TNNI3K: variants seen among roughly 807,000 people sequenced by gnomAD.
The protein encoded by TNNI3K is TNNI3 interacting kinase.
Under a neutral mutation model 114.5 loss-of-function variants are expected in TNNI3K, and 140 were observed. That is an observed-to-expected ratio of 1.22 (90% confidence interval 1.07 to 1.41). The LOEUF (loss-of-function observed/expected upper bound fraction) is 1.41, where lower values mean the gene tolerates loss of function less well. Among genes scored for constraint, TNNI3K ranks in the 40% most tolerant of loss-of-function variants. The probability of loss-of-function intolerance (pLI) is 0.00; values close to 1 mark genes in which losing one functional copy is unlikely to be tolerated. For synonymous variants in TNNI3K, 347 were observed against 347.5 expected (o/e 1.00, Z 0.02); for missense variants, 1,125 against 1,007.6 (o/e 1.12, Z -1.58).
chr1:74,525,654 G>A (rs1265616518), intron 23 of TNNI3K, among the ~76,000 whole-genome samples: 4 of 152,194 alleles, frequency 2.6e-5, no homozygotes. Context: ...TGCTTCTGGT[G>A]TGCCACATAT....
rs114788567 is a variant in TNNI3K, at chr1:74,411,423, T to G, written c.1773-24657T>G. On this transcript the variant is annotated intron_variant, in intron 17 of 24. Transcript: ENST00000326637. ...ACCTGAGATAACCCTCAATTAGAAA[T>G]TTTTATATACAAATGCAGCCAAAAG... Among the ~76,000 whole-genome samples, 390 of 152,212 alleles carry G rather than the reference T, an allele frequency of 2.6e-3. 2 individuals are homozygous for G. The highest frequency in any genetic ancestry group is 8.8e-3 in the African/African-American group (366 of 41,528).
rs571195857 is a variant in TNNI3K at position 74,306,344 on chromosome 1, T to C, written c.445-25106T>C. On this transcript the variant is annotated intron_variant, in intron 5 of 24. Transcript: ENST00000326637. Reference sequence around the variant, plus strand: ...AATTGTGCTATGATAAACATATGAGTGCAGGTGTCTCTTTTGTTAGAACAA... The same window carrying C: ...AATTGTGCTATGATAAACATATGAGCGCAGGTGTCTCTTTTGTTAGAACAA... 7.2e-5 allele frequency among the ~76,000 whole-genome samples: 11 copies of C among 152,298 alleles called. No homozygotes were observed. The South Asian group carries it at 8.3e-4, about 11-fold the overall frequency.
chr1:74,312,551 T>C (rs987274652), intron 5 of TNNI3K, among the ~76,000 whole-genome samples: 3 of 152,258 alleles, frequency 2.0e-5, no homozygotes, highest in African/African-American at 4.8e-5. Context: ...TGAGATCTTG[T>C]ATATTTTTAA....
intron 5 of TNNI3K, among the ~76,000 whole-genome samples, chr1:74,317,135 A>G (rs1659358027): frequency 6.6e-6 from 1 of 152,110 alleles, no homozygotes; most frequent in East Asian, 1.9e-4. Flanking sequence ...TTTTCGTTTC[A>G]TTATTCTCAG....
chr1:74,284,059 G>A (rs1416127402), intron 5 of TNNI3K, among the ~76,000 whole-genome samples: 1 of 152,014 alleles, frequency 6.6e-6, no homozygotes, highest in Admixed American at 6.6e-5. Flanking sequence ...CTATGTCTCA[G>A]GAAGACGGGA....
chr1:74,542,271 C>G (rs1209939045), intron 24 of TNNI3K, among the ~76,000 whole-genome samples: 6 of 152,140 alleles, frequency 3.9e-5, no homozygotes, highest in Admixed American at 3.9e-4. Context: ...GCAAGAGGCA[C>G]TGGAACATCA....
chr1:74,458,975 G>A (rs12134475), intron 20 of TNNI3K, among the ~76,000 whole-genome samples: 1 of 152,102 alleles, frequency 6.6e-6, no homozygotes, highest in Non-Finnish European at 1.5e-5. Context: ...TGTACCCAAA[G>A]TTTAGTTCCC....
intron 5 of TNNI3K, among the ~76,000 whole-genome samples, chr1:74,306,212 A>T (rs934595916): frequency 1.3e-5 from 2 of 152,172 alleles, no homozygotes; most frequent in African/African-American, 4.8e-5. Flanking sequence ...CAGAGGACAT[A>T]ATCTAAACTG....
chr1:74,475,116 C>A (rs900486620), intron 21 of TNNI3K, among the ~76,000 whole-genome samples: 4 of 135,990 alleles, frequency 2.9e-5, no homozygotes, highest in East Asian at 2.3e-4. Context: ...CCACCTCAGC[C>A]CACACACACA....
At chr1:74,484,891 TA>T (rs1668673521) in intron 21 of TNNI3K, among the ~76,000 whole-genome samples, 1 of 152,194 alleles carries the variant, frequency 6.6e-6, no homozygotes. Flanking sequence ...TACTTTTAGA[TA>T]AGCAAAGAAC....
At chr1:74,456,090 A>G (rs1667212547) in intron 20 of TNNI3K, among the ~76,000 whole-genome samples, 1 of 152,220 alleles carries the variant, frequency 6.6e-6, no homozygotes, top group African/African-American at 2.4e-5. Flanking sequence ...GGACTGGAGA[A>G]ATTCAAAACT....
rs201606051 is a variant in TNNI3K, at chr1:74,354,147, G to T, written c.1177+18G>T. On this transcript the variant is annotated intron_variant, in intron 11 of 24. Transcript: ENST00000326637. ...TGAAAAAGGTATATTTTTAATCATCGTGTCTCTATAGTGATACATTGAACT... is the reference window on the plus strand; with the variant it reads ...TGAAAAAGGTATATTTTTAATCATCTTGTCTCTATAGTGATACATTGAACT... 2.5e-5 allele frequency: 40 copies of T among 1,613,656 alleles called. No individual in the cohort carries two copies. The highest frequency in any genetic ancestry group is 3.3e-5 in the Non-Finnish European group (39 of 1,179,780).
At chr1:74,370,058 T>C (rs1662512946) in intron 16 of TNNI3K, 1 of 311,138 alleles carries the variant, frequency 3.2e-6, no homozygotes, top group Non-Finnish European at 5.8e-6. Context: ...AAATAAATTA[T>C]AAAACCAAGT....
rs548503666 is a variant in TNNI3K, at chr1:74,269,885, C to G, written c.334-1713C>G. 2.9e-4 allele frequency among the ~76,000 whole-genome samples: 44 copies of G among 151,774 alleles called. 1 individual carries two copies. The highest frequency in any genetic ancestry group is 3.0e-5 in the Non-Finnish European group (2 of 67,766). ...TAGGGCTACATTTCCAAATCATACA[C>G]TTTTAGAAGACAGTCAGAAACAAAG... On this transcript the variant is annotated intron_variant, in intron 4 of 24. Coordinates refer to ENST00000326637, the MANE Select transcript of TNNI3K (RefSeq NM_015978.3).
intron 17 of TNNI3K, among the ~76,000 whole-genome samples, chr1:74,381,935 G>T (rs1309749936): frequency 6.6e-6 from 1 of 152,162 alleles, no homozygotes; most frequent in Non-Finnish European, 1.5e-5. Flanking sequence ...ACATTCCAGA[G>T]ACTAAAAAAT....
At chr1:74,295,200 T>C (rs146139262) in intron 5 of TNNI3K, among the ~76,000 whole-genome samples, 26 of 152,210 alleles carry the variant, frequency 1.7e-4, no homozygotes, top group Non-Finnish European at 3.1e-4. Flanking sequence ...TGATTTGCAG[T>C]ATAATTGCAT....
intron 2 of TNNI3K, 50 bp downstream of exon 2, chr1:74,236,260 A>T (rs1025312551): frequency 1.7e-5 from 25 of 1,509,914 alleles, no homozygotes; most frequent in African/African-American, 2.8e-5. Context: ...TTCAGTATTC[A>T]CCTTATTTTT....
chr1:74,501,044 T>C (rs1220992385), intron 23 of TNNI3K, among the ~76,000 whole-genome samples: 3 of 152,212 alleles, frequency 2.0e-5, no homozygotes, highest in Non-Finnish European at 4.4e-5. Flanking sequence ...CTGTTGTCTC[T>C]TCTAACATTT....
chr1:74,486,432 G>T (rs1668767767), intron 21 of TNNI3K, among the ~76,000 whole-genome samples: 1 of 151,600 alleles, frequency 6.6e-6, no homozygotes, highest in Admixed American at 6.6e-5. Flanking sequence ...AATATAATTT[G>T]CTGGTATATA....
Sources: gnomAD v4.1 joint callset for allele counts (sites outside exome capture counted in the v4.1 genomes callset) on GRCh38, gnomAD v4.1.1 for gene constraint, MANE v1.5 for transcripts, NCBI Gene and HGNC (gene_info 2026-07-23, HGNC 2026-07-21) for gene names.